Variants in YIPF5 observed in about 807,000 individuals in gnomAD.
The protein encoded by YIPF5 is Yip1 domain family member 5.
Under a neutral mutation model 30.4 loss-of-function variants are expected in YIPF5, and 8 were observed. The observed-to-expected ratio is 0.26, with a 90% CI of 0.15 to 0.47. YIPF5 has a LOEUF of 0.47. Ranked by LOEUF, YIPF5 falls within the 20% of genes least tolerant of loss-of-function variation. The pLI is 0.99. For missense variants in YIPF5, 282 were observed against 301.8 expected, an observed-to-expected ratio of 0.93 and a Z score of 0.49; for synonymous variants, 104 against 107.9, an observed-to-expected ratio of 0.96 and a Z score of 0.23.
In YIPF5 at chr5:144,162,413, A is replaced by G; in HGVS notation, c.430-14T>C. The G allele has an allele frequency of 6.2e-7, 1 of 1,604,520 alleles. No individual in the cohort carries two copies. The highest frequency in any genetic ancestry group is 1.1e-5 in the South Asian group (1 of 89,514). On this transcript the variant is annotated splice_polypyrimidine_tract_variant and intron_variant, in intron 4 of 5. Coordinates refer to ENST00000274496, the MANE Select transcript of YIPF5 (RefSeq NM_030799.9). Reference sequence around the variant, plus strand: ...GATTTTGCCAGCCTATGGGTAAAGAAGATTACAGGTTAAAGGGCAAAAAAT... The same window carrying G: ...GATTTTGCCAGCCTATGGGTAAAGAGGATTACAGGTTAAAGGGCAAAAAAT...
At chr5:144,168,533 T>C (rs1043460055) in intron 2 of YIPF5, among the ~76,000 whole-genome samples, 3 of 152,134 alleles carry the variant, frequency 2.0e-5, no homozygotes, top group African/African-American at 7.2e-5. Context: ...TGAATGGAAA[T>C]ACCTCAATAC....
intron 3 of YIPF5, among the ~76,000 whole-genome samples, chr5:144,164,587 G>A (rs1350075786): frequency 7.6e-6 from 1 of 131,860 alleles, no homozygotes; most frequent in African/African-American, 2.9e-5. Flanking sequence ...TTTTTTTTTT[G>A]TAGAGACAGG....
At chr5:144,167,192 A>G (rs1194636411) in intron 2 of YIPF5, among the ~76,000 whole-genome samples, 8 of 152,212 alleles carry the variant, frequency 5.3e-5, no homozygotes, top group Admixed American at 3.3e-4. Context: ...AGGTGGCACC[A>G]TCATTCCATC....
At position 144,158,308 on chromosome 5, in the gene YIPF5, G is replaced by T; in HGVS notation, c.*2089C>A. The T allele has an allele frequency of 1.4e-6, 1 of 706,804 alleles. No individual in the cohort carries two copies. Among genetic ancestry groups the T allele is most frequent in the Non-Finnish European group, 2.0e-6 (1 of 489,008 alleles). The allele number at this position is 706,804 out of a possible 1,614,324, so 43.8% of individuals were successfully genotyped here. Reference sequence around the variant, plus strand: ...TGCAACTCCACTGCATAGCTGTTTTGACAGAGCAACAGTTAAGCATAAAAT... The same window carrying T: ...TGCAACTCCACTGCATAGCTGTTTTTACAGAGCAACAGTTAAGCATAAAAT... On this transcript the variant is annotated 3_prime_UTR_variant, in exon 6 of 6. Transcript: ENST00000274496.
chr5:144,164,929 T>C (rs185341594), intron 3 of YIPF5, among the ~76,000 whole-genome samples: 2 of 152,290 alleles, frequency 1.3e-5, no homozygotes, highest in Admixed American at 6.5e-5. Flanking sequence ...TTTAACTGTA[T>C]ACAAAACTAC....
Position 144,164,194 on chromosome 5 carries a change from C to G in YIPF5, c.346G>C (p.Val116Leu). The change falls in exon 4 of 6, where the codon GTA (valine) becomes CTA (leucine). Residue 116 changes from valine to leucine, a missense_variant. By Grantham distance (32) the Val-to-Leu change is conservative. Transcript: ENST00000274496. ...KTLTVLHPLK[V>L]ADGSIMNETD... ...TCATTCATGATGCTGCCATCTGCTA[C>G]TTTTAACGGATGTAATACTGTTAGT... 1.2e-6 allele frequency: 2 copies of G among 1,613,680 alleles called. No individual in the cohort carries two copies. Among genetic ancestry groups the G allele is most frequent in the Non-Finnish European group, 8.5e-7 (1 of 1,179,794 alleles).
chr5:144,158,694 C>T lies in YIPF5; in HGVS notation c.*1703G>A, dbSNP rs986614373. 5.4e-5 allele frequency: 55 copies of T among 1,017,752 alleles called. No individual in the cohort carries two copies. The highest frequency in any genetic ancestry group is 5.8e-5 in the Non-Finnish European group (49 of 851,458). 63.0% of individuals were successfully genotyped at this position (1,017,752 alleles called of 1,614,324 possible). Reference sequence around the variant, plus strand: ...TTGGAAAGCCTATCAAATTACCTTCCAAATTGCTTTTTTAAAGCAATTTGG... The same window carrying T: ...TTGGAAAGCCTATCAAATTACCTTCTAAATTGCTTTTTTAAAGCAATTTGG... On this transcript the variant is annotated 3_prime_UTR_variant, in exon 6 of 6. Coordinates refer to ENST00000274496, the MANE Select transcript of YIPF5 (RefSeq NM_030799.9).
At position 144,164,239 on chromosome 5, in the gene YIPF5, C is replaced by A; in HGVS notation, c.301G>T (p.Asp101Tyr). The A allele has an allele frequency of 6.2e-7, 1 of 1,607,714 alleles. No homozygotes were observed. The highest frequency in any genetic ancestry group is 1.1e-5 in the South Asian group (1 of 89,512). The change falls in exon 4 of 6, where the codon GAC becomes TAC. Residue 101 changes from aspartate to tyrosine, a missense_variant. Asp to Tyr is a radical substitution (Grantham distance 160). Coordinates refer to ENST00000274496, the MANE Select transcript of YIPF5 (RefSeq NM_030799.9). Reference sequence around the variant, plus strand: ...GTTAGTGTTTTTTGCCAGATGTGGTCAAAATTGATACCTAACTCTAAAGAG... The same window carrying A: ...GTTAGTGTTTTTTGCCAGATGTGGTAAAAATTGATACCTAACTCTAAAGAG... ...PLLEELGINF[D>Y]HIWQKTLTVL...
At position 144,160,579 on chromosome 5, in the gene YIPF5, A is replaced by AG. The variant is rs767029968; in HGVS notation, c.612-21dup. ...ATTCCTCTGTAAACAACAAGGAAAA[A>AG]GGGGGGAGAAGAAAAAAAAGCAGAT... On this transcript the variant is annotated intron_variant, in intron 5 of 5. Transcript: ENST00000274496. 6.3e-7 allele frequency: 1 copy of AG among 1,587,010 alleles called. No individual in the cohort carries two copies. Among genetic ancestry groups the AG allele is most frequent in the Non-Finnish European group, 8.6e-7 (1 of 1,165,644 alleles).
At position 144,159,509 on chromosome 5, in the gene YIPF5, T is replaced by C. The variant is rs780062636; in HGVS notation, c.*888A>G. The C allele has an allele frequency of 2.1e-4, 203 of 985,284 alleles. No individual in the cohort carries two copies. Among genetic ancestry groups the C allele is most frequent in the Admixed American group, 3.1e-4 (5 of 16,258 alleles). 61.0% of individuals were successfully genotyped at this position (985,284 alleles called of 1,614,324 possible). ...CATTTCATGTCTACAATAAGGTAGA[T>C]TGTGAACTTCCCGTATCTCTGAATT... On this transcript the variant is annotated 3_prime_UTR_variant, in exon 6 of 6. Coordinates refer to ENST00000274496, the MANE Select transcript of YIPF5 (RefSeq NM_030799.9).
rs150892986 is a variant in YIPF5 at position 144,161,250 on chromosome 5, C to T, written c.612-691G>A. Reference sequence around the variant, plus strand: ...ACCACTGGTAATGTCTAACACTAGTCACATGGAGGATTTTATATTGAGACA... The same window carrying T: ...ACCACTGGTAATGTCTAACACTAGTTACATGGAGGATTTTATATTGAGACA... On this transcript the variant is annotated intron_variant, in intron 5 of 5. Transcript: ENST00000274496. Among the ~76,000 whole-genome samples the T allele has an allele frequency of 1.9e-3, 290 of 151,110 alleles. 1 individual carries two copies. Among genetic ancestry groups the T allele is most frequent in the African/African-American group, 6.3e-3 (259 of 41,128 alleles).
Position 144,158,312 on chromosome 5 carries a change from G to A in YIPF5, c.*2085C>T. On this transcript the variant is annotated 3_prime_UTR_variant, in exon 6 of 6. Transcript: ENST00000274496. ...ACTCCACTGCATAGCTGTTTTGACA[G>A]AGCAACAGTTAAGCATAAAATAGCT... is the stretch of plus-strand genomic sequence containing the variant. The A allele has an allele frequency of 1.4e-6, 1 of 724,032 alleles. No individual in the cohort carries two copies. The allele number at this position is 724,032 out of a possible 1,614,324, so 44.9% of individuals were successfully genotyped here. A position where few individuals can be genotyped will look rare whatever the true frequency, so the allele number is the denominator to read the frequency against.
intron 1 of YIPF5, 130 bp from the exon 2 acceptor site, chr5:144,170,095 G>A (rs878950174): frequency 2.9e-6 from 2 of 682,940 alleles, no homozygotes; most frequent in Non-Finnish European, 2.6e-6. Flanking sequence ...GGATGGGGGC[G>A]GAAAGTACGC....
intron 1 of YIPF5, chr5:144,170,257 T>A (rs1362230521): frequency 5.6e-6 from 2 of 356,726 alleles, no homozygotes; most frequent in Non-Finnish European, 1.0e-5. Context: ...GTCTAAAATA[T>A]CAATAACAAC....
intron 3 of YIPF5, 125 bp from the exon 4 acceptor site, chr5:144,164,381 ATATTAT>A: frequency 3.8e-6 from 3 of 796,998 alleles, no homozygotes; most frequent in Admixed American, 6.1e-5. Flanking sequence ...ATATTGGATG[ATATTAT>A]TATTATTATA....
At chr5:144,166,692 A>G (rs1230250052) in intron 2 of YIPF5, among the ~76,000 whole-genome samples, 1 of 152,196 alleles carries the variant, frequency 6.6e-6, no homozygotes, top group Non-Finnish European at 1.5e-5. Context: ...CAGCCAGTTC[A>G]GCTTGCACAG....
intron 2 of YIPF5, among the ~76,000 whole-genome samples, chr5:144,168,942 A>T (rs975406330): frequency 8.5e-5 from 13 of 152,208 alleles, no homozygotes; most frequent in African/African-American, 3.1e-4. Context: ...GGGATCCATG[A>T]TGAACATCAT....
intron 4 of YIPF5, among the ~76,000 whole-genome samples, chr5:144,162,865 T>C (rs1039187725): frequency 2.0e-5 from 3 of 152,158 alleles, no homozygotes; most frequent in Non-Finnish European, 4.4e-5. Context: ...GAAGAAATCT[T>C]ATGATTCACT....
intron 2 of YIPF5, among the ~76,000 whole-genome samples, chr5:144,166,873 C>CT (rs1459466831): frequency 2.0e-5 from 3 of 152,170 alleles, no homozygotes; most frequent in Non-Finnish European, 2.9e-5. Context: ...TGCCAACTCT[C>CT]TAACAAGTAT....
Sources: gnomAD v4.1 joint callset for allele counts (sites outside exome capture counted in the v4.1 genomes callset) on GRCh38, gnomAD v4.1.1 for gene constraint, MANE v1.5 for transcripts, NCBI Gene and HGNC (gene_info 2026-07-23, HGNC 2026-07-21) for gene names.